The following GMDS variants were observed in gnomAD, a reference collection of about 807,000 sequenced individuals.
The protein encoded by GMDS is GDP-mannose 4,6-dehydratase, also known as GDP-mannose 4,6 dehydratase.
A neutral mutation model predicts 49.9 loss-of-function variants in GMDS; 20 were observed. The observed-to-expected ratio is 0.40, with a 90% confidence interval of 0.28 to 0.58. GMDS has a LOEUF of 0.58. GMDS is among the 20% of genes least tolerant of loss of function. GMDS has a pLI of 0.42. For synonymous variants in GMDS, 177 were observed against 178.6 expected (o/e 0.99, Z 0.07); for missense variants, 362 against 481.4 (o/e 0.75, Z 2.32).
At chr6:1,997,687 G>A (rs1217194487) in intron 4 of GMDS, among the ~76,000 whole-genome samples, 1 of 151,944 alleles carries the variant, frequency 6.6e-6, no homozygotes. Flanking sequence ...CCAACTTTTG[G>A]CCTGTGGACC....
rs1280662646 is a variant in GMDS at position 1,905,855 on chromosome 6, A to C, written c.771+24248T>G. ...CTGTGCATCTGCATGTGGGGCCAGC[A>C]CATAGCTGTGGGTGCTGGCATGTGA... On this transcript the variant is annotated intron_variant, in intron 7 of 10. Coordinates refer to ENST00000380815, the MANE Select transcript of GMDS (RefSeq NM_001500.4). Among the ~76,000 whole-genome samples the C allele has an allele frequency of 2.6e-5, 2 of 77,154 alleles. 1 individual carries two copies. Among genetic ancestry groups the C allele is most frequent in the Non-Finnish European group, 5.6e-5 (2 of 35,956 alleles). 50.6% of individuals were successfully genotyped at this position (77,154 alleles called of 152,430 possible). A position where few individuals can be genotyped will look rare whatever the true frequency, so the allele number is the denominator to read the frequency against.
chr6:2,229,394 A>T (rs1470507182), intron 1 of GMDS, among the ~76,000 whole-genome samples: 1 of 142,260 alleles, frequency 7.0e-6, no homozygotes, highest in African/African-American at 2.7e-5. Context: ...CAACATAGAG[A>T]GACCCTGTTT....
chr6:1,777,402 TTTTTA>T (rs1322176689), intron 7 of GMDS, among the ~76,000 whole-genome samples: 4 of 152,396 alleles, frequency 2.6e-5, no homozygotes, highest in East Asian at 1.9e-4. Context: ...TCTGCTTATA[TTTTTA>T]TTTTATGTTA....
intron 7 of GMDS, among the ~76,000 whole-genome samples, chr6:1,782,797 T>G (rs544805388): frequency 2.9e-4 from 44 of 152,342 alleles, no homozygotes; most frequent in African/African-American, 1.1e-3. Flanking sequence ...CATACTTGGG[T>G]GTGAACTTGT....
intron 2 of GMDS, among the ~76,000 whole-genome samples, 192 bp downstream of exon 2, chr6:2,124,495 C>T (rs1223844755): frequency 6.6e-6 from 1 of 152,214 alleles, no homozygotes; most frequent in Non-Finnish European, 1.5e-5. Flanking sequence ...GCCACCAGTG[C>T]TCACCAGCAG....
At chr6:2,202,030 A>T (rs1185665781) in intron 1 of GMDS, among the ~76,000 whole-genome samples, 2 of 130,476 alleles carry the variant, frequency 1.5e-5, no homozygotes, top group East Asian at 2.3e-4. Flanking sequence ...ATCCGAGATG[A>T]AACCATCTAG....
At chr6:1,840,295 T>G (rs1479728049) in intron 7 of GMDS, among the ~76,000 whole-genome samples, 1 of 152,168 alleles carries the variant, frequency 6.6e-6, no homozygotes, top group Non-Finnish European at 1.5e-5. Context: ...ACCACCCCTC[T>G]CACGCTCTGC....
At chr6:2,072,826 C>T (rs1772094402) in intron 4 of GMDS, among the ~76,000 whole-genome samples, 1 of 152,210 alleles carries the variant, frequency 6.6e-6, no homozygotes, top group Non-Finnish European at 1.5e-5. Flanking sequence ...ACCCCATCTT[C>T]TTGTTCCAAA....
intron 9 of GMDS, among the ~76,000 whole-genome samples, chr6:1,659,344 C>A (rs1319909451): frequency 1.3e-5 from 2 of 151,982 alleles, no homozygotes; most frequent in African/African-American, 2.4e-5. Context: ...GTGTCAGAAC[C>A]TTTCATCCCA....
chr6:2,073,298 A>G (rs1420526641), intron 4 of GMDS, among the ~76,000 whole-genome samples: 2 of 152,244 alleles, frequency 1.3e-5, no homozygotes, highest in Admixed American at 6.5e-5. Flanking sequence ...CCAGATGCAT[A>G]AAAAAGGAAT....
chr6:1,774,507 T>C (rs1044059574), intron 7 of GMDS, among the ~76,000 whole-genome samples: 1 of 152,216 alleles, frequency 6.6e-6, no homozygotes, highest in Non-Finnish European at 1.5e-5. Flanking sequence ...AATCTCTCAC[T>C]GTGTTATTAA....
chr6:2,239,935 T>G (rs1004643362), intron 1 of GMDS, among the ~76,000 whole-genome samples: 1 of 151,976 alleles, frequency 6.6e-6, no homozygotes, highest in African/African-American at 2.4e-5. Flanking sequence ...ATCCAGAGAT[T>G]TGGGAGGCCC....
At chr6:1,916,593 A>T (rs1162874835) in intron 7 of GMDS, among the ~76,000 whole-genome samples, 1 of 152,222 alleles carries the variant, frequency 6.6e-6, no homozygotes, top group Non-Finnish European at 1.5e-5. Flanking sequence ...CAATCGTGGC[A>T]CAGTGACTTA....
intron 7 of GMDS, among the ~76,000 whole-genome samples, chr6:1,764,794 T>A (rs1414345301): frequency 1.3e-5 from 2 of 152,242 alleles, no homozygotes; most frequent in Non-Finnish European, 2.9e-5. Context: ...CTAAAGAATT[T>A]CTGATTCCTT....
At position 1,865,873 on chromosome 6, in the gene GMDS, C is replaced by T. The variant is rs76457622; in HGVS notation, c.771+64230G>A. Among the ~76,000 whole-genome samples the T allele has an allele frequency of 5.9e-3, 903 of 152,088 alleles. 9 individuals carry two copies. The highest frequency in any genetic ancestry group is 0.02 in the African/African-American group (849 of 41,476). Reference sequence around the variant, plus strand: ...AGCCCCAAGAAAAGGCGGCTGAGGGCGTACAATCCACAGGAAGAAAAAAAA... The same window carrying T: ...AGCCCCAAGAAAAGGCGGCTGAGGGTGTACAATCCACAGGAAGAAAAAAAA... On this transcript the variant is annotated intron_variant, in intron 7 of 10. Coordinates refer to ENST00000380815, the MANE Select transcript of GMDS (RefSeq NM_001500.4).
intron 4 of GMDS, among the ~76,000 whole-genome samples, chr6:2,011,172 C>T (rs1219245964): frequency 6.6e-6 from 1 of 152,008 alleles, no homozygotes; most frequent in Non-Finnish European, 1.5e-5. Flanking sequence ...AGAAGACATA[C>T]AAATGGCCAA....
chr6:1,883,762 A>G (rs1759474838), intron 7 of GMDS, among the ~76,000 whole-genome samples: 1 of 152,206 alleles, frequency 6.6e-6, no homozygotes, highest in Non-Finnish European at 1.5e-5. Context: ...GCAATGAAAA[A>G]GCTTCACCAT....
chr6:1,710,624 GC>G (rs142900856), intron 9 of GMDS, among the ~76,000 whole-genome samples: 36,112 of 152,058 alleles, frequency 0.24, 4,713 homozygotes, highest in African/African-American at 0.35. Flanking sequence ...TAGACCTGGA[GC>G]TCTCCGAGGA....
rs1333236656 is a variant in GMDS at position 1,903,574 on chromosome 6, A to AT, written c.771+26528dup. 2.1e-4 allele frequency among the ~76,000 whole-genome samples: 32 copies of AT among 152,308 alleles called. 1 individual carries two copies. In the East Asian group the frequency reaches 5.8e-3, roughly 28 times the overall value. ...AGGAACCAGGCATAAATCTCACTGC[A>AT]TTTTTTTAAAACAATGAAACCTCTT... is the stretch of plus-strand genomic sequence containing the variant. On this transcript the variant is annotated intron_variant, in intron 7 of 10. Coordinates refer to ENST00000380815, the MANE Select transcript of GMDS (RefSeq NM_001500.4).
Sources: gnomAD v4.1 joint callset for allele counts (sites outside exome capture counted in the v4.1 genomes callset) on GRCh38, gnomAD v4.1.1 for gene constraint, MANE v1.5 for transcripts, NCBI Gene and HGNC (gene_info 2026-07-23, HGNC 2026-07-21) for gene names.